The following AKAP6 variants were observed in gnomAD, a reference collection of about 807,000 sequenced individuals.
AKAP6 encodes A-kinase anchoring protein 6, also known as A-kinase anchor protein 6.
A neutral mutation model predicts 188.5 loss-of-function variants in AKAP6; 58 were observed. The observed-to-expected ratio is 0.31, with a 90% CI of 0.25 to 0.38. The LOEUF is 0.38. Among genes scored for constraint, AKAP6 ranks in the 10% least tolerant of loss-of-function variants. The pLI, the probability that AKAP6 is intolerant of heterozygous loss-of-function variation, is 1.00. For synonymous variants in AKAP6, 989 were observed against 998.6 expected, an observed-to-expected ratio of 0.99 and a Z score of 0.18; for missense variants, 2,710 against 2,740.0, an observed-to-expected ratio of 0.99 and a Z score of 0.24.
intron 2 of AKAP6, among the ~76,000 whole-genome samples, chr14:32,462,916 A>AAAAAAAAAAAAAAAAAAC (rs1891389540): frequency 4.3e-5 from 4 of 93,770 alleles, no homozygotes; most frequent in African/African-American, 2.1e-4. Context: ...AAAAAAAAAA[A>AAAAAAAAAAAAAAAAAAC]AAAAAAAAAA....
chr14:32,459,654 GA>G (rs1891258601), intron 2 of AKAP6, among the ~76,000 whole-genome samples: 2 of 144,346 alleles, frequency 1.4e-5, no homozygotes, highest in Admixed American at 1.4e-4. Flanking sequence ...AAAAAAAGAA[GA>G]AAAAATTCAG....
chr14:32,385,310 TC>T (rs1487956672), intron 1 of AKAP6, among the ~76,000 whole-genome samples: 1 of 152,088 alleles, frequency 6.6e-6, no homozygotes, highest in Non-Finnish European at 1.5e-5. Context: ...TTCCCCTTTA[TC>T]TTTTGATGGC....
chr14:32,357,284 C>G (rs1274133351), intron 1 of AKAP6, among the ~76,000 whole-genome samples: 1 of 152,172 alleles, frequency 6.6e-6, no homozygotes, highest in Non-Finnish European at 1.5e-5. Context: ...AATTGGACCT[C>G]TTTAGTGGAG....
intron 1 of AKAP6, among the ~76,000 whole-genome samples, chr14:32,359,326 A>G (rs1362607753): frequency 6.6e-6 from 1 of 152,132 alleles, no homozygotes; most frequent in Non-Finnish European, 1.5e-5. Context: ...TTTAAAAACA[A>G]TTTTTAAATA....
intron 1 of AKAP6, chr14:32,385,273 C>T (rs1258057148): frequency 1.3e-5 from 2 of 151,966 alleles, no homozygotes; most frequent in Non-Finnish European, 2.9e-5. Flanking sequence ...GAATTCAGGT[C>T]CCATAGCCAT....
chr14:32,497,688 TTA>T (rs201179659), intron 2 of AKAP6, among the ~76,000 whole-genome samples: 1 of 151,326 alleles, frequency 6.6e-6, no homozygotes, highest in Non-Finnish European at 1.5e-5. Flanking sequence ...CTTAGTGATT[TTA>T]TATATATATA....
chr14:32,341,905 G>A (rs1886901825), intron 1 of AKAP6, among the ~76,000 whole-genome samples: 1 of 152,160 alleles, frequency 6.6e-6, no homozygotes, highest in Non-Finnish European at 1.5e-5. Flanking sequence ...CCAGCTACTA[G>A]GGAGGCTGAG....
chr14:32,553,197 C>G (rs1437814232), intron 4 of AKAP6, among the ~76,000 whole-genome samples: 1 of 141,088 alleles, frequency 7.1e-6, no homozygotes, highest in Non-Finnish European at 1.5e-5. Context: ...GAGTCTTGCT[C>G]TGTCACCCAG....
chr14:32,458,777 T>C (rs1021643636), intron 2 of AKAP6, among the ~76,000 whole-genome samples: 4 of 151,806 alleles, frequency 2.6e-5, no homozygotes, highest in African/African-American at 7.3e-5. Context: ...CTCAGAAATA[T>C]GATAATTGAA....
At chr14:32,714,028 A>G (rs1472515164) in intron 9 of AKAP6, among the ~76,000 whole-genome samples, 2 of 152,016 alleles carry the variant, frequency 1.3e-5, no homozygotes, top group African/African-American at 4.8e-5. Context: ...TTGAGTACTT[A>G]GAGGCCATTG....
intron 11 of AKAP6, among the ~76,000 whole-genome samples, chr14:32,741,642 C>T (rs1351511883): frequency 6.6e-6 from 1 of 151,600 alleles, no homozygotes; most frequent in Non-Finnish European, 1.5e-5. Context: ...ATCTTTCATT[C>T]TGTTGATATG....
chr14:32,380,880 T>A (rs1162046844), intron 1 of AKAP6, among the ~76,000 whole-genome samples: 1 of 152,166 alleles, frequency 6.6e-6, no homozygotes, highest in Non-Finnish European at 1.5e-5. Context: ...CTTAAGACCC[T>A]CTTACAAAAG....
At chr14:32,472,830 G>T (rs142698088) in intron 2 of AKAP6, among the ~76,000 whole-genome samples, 1 of 152,022 alleles carries the variant, frequency 6.6e-6, no homozygotes, top group Admixed American at 6.6e-5. Context: ...ACAACAGCTG[G>T]GTAATTTGAT....
At chr14:32,788,707 C>T (rs1390298981) in intron 12 of AKAP6, among the ~76,000 whole-genome samples, 5 of 152,032 alleles carry the variant, frequency 3.3e-5, no homozygotes, top group Admixed American at 6.5e-5. Context: ...TCTTTGGGTC[C>T]GAGACACAGA....
chr14:32,434,130 G>C (rs1176386831), intron 2 of AKAP6: 1 of 257,676 alleles, frequency 3.9e-6, no homozygotes, highest in Non-Finnish European at 7.5e-6. Context: ...TCTTACAAAG[G>C]GTTTAATAAA....
At chr14:32,570,833 C>CT (rs1048643640) in intron 4 of AKAP6, among the ~76,000 whole-genome samples, 1 of 152,152 alleles carries the variant, frequency 6.6e-6, no homozygotes, top group African/African-American at 2.4e-5. Context: ...CTTCCATGTC[C>CT]CCCCAAATTA....
At chr14:32,788,013 C>T (rs2033478082) in intron 12 of AKAP6, among the ~76,000 whole-genome samples, 1 of 131,668 alleles carries the variant, frequency 7.6e-6, no homozygotes, top group Admixed American at 8.8e-5. Context: ...TTCATTCTAG[C>T]CTGGGCAACA....
At chr14:32,502,734 A>C (rs902286722) in intron 2 of AKAP6, among the ~76,000 whole-genome samples, 9 of 151,994 alleles carry the variant, frequency 5.9e-5, no homozygotes, top group Admixed American at 3.9e-4. Flanking sequence ...TGCTTTTTAA[A>C]CTTTATACAC....
chr14:32,481,022 G>C (rs147684946), intron 2 of AKAP6, among the ~76,000 whole-genome samples: 5 of 152,110 alleles, frequency 3.3e-5, no homozygotes, highest in South Asian at 2.1e-4. Context: ...TTGACAACTT[G>C]GTCTGTATTC....
Sources: gnomAD v4.1 joint callset for allele counts (sites outside exome capture counted in the v4.1 genomes callset) on GRCh38, gnomAD v4.1.1 for gene constraint, MANE v1.5 for transcripts, NCBI Gene and HGNC (gene_info 2026-07-23, HGNC 2026-07-21) for gene names.